The following BMPR1B variants were observed in gnomAD, a reference collection of about 807,000 sequenced individuals.
The protein encoded by BMPR1B is bone morphogenetic protein receptor type 1B, also known as bone morphogenetic protein receptor type-1B.
Under a neutral mutation model 59.1 loss-of-function variants are expected in BMPR1B, and 12 were observed. The ratio of observed to expected loss-of-function variants is 0.20; its 90% confidence interval spans 0.13 to 0.33. The LOEUF is 0.33. BMPR1B is among the 10% of genes least tolerant of loss of function. The probability of loss-of-function intolerance (pLI) is 1.00; values close to 1 mark genes in which losing one functional copy is unlikely to be tolerated. For synonymous variants in BMPR1B, 237 were observed against 207.3 expected, an observed-to-expected ratio of 1.14 and a Z score of -1.23; for missense variants, 550 against 610.9, an observed-to-expected ratio of 0.90 and a Z score of 1.05.
intron 2 of BMPR1B, among the ~76,000 whole-genome samples, chr4:94,982,746 A>G (rs1721167722): frequency 6.6e-6 from 1 of 152,096 alleles, no homozygotes; most frequent in Non-Finnish European, 1.5e-5. Flanking sequence ...TAATCCCAGC[A>G]CTTTGGGAGG....
At chr4:95,134,348 T>C (rs1487520682) in intron 10 of BMPR1B, among the ~76,000 whole-genome samples, 1 of 152,238 alleles carries the variant, frequency 6.6e-6, no homozygotes, top group Non-Finnish European at 1.5e-5. Context: ...TGTGTCTTTA[T>C]AGCAGCATGA....
intron 2 of BMPR1B, among the ~76,000 whole-genome samples, chr4:94,945,156 A>G (rs1371486051): frequency 6.6e-6 from 1 of 152,204 alleles, no homozygotes; most frequent in African/African-American, 2.4e-5. Context: ...CTTGCTCAGT[A>G]TAACTTCACA....
At chr4:94,811,284 A>G (rs1452098233) in intron 1 of BMPR1B, among the ~76,000 whole-genome samples, 1 of 152,166 alleles carries the variant, frequency 6.6e-6, no homozygotes, top group African/African-American at 2.4e-5. Flanking sequence ...TCTTTCATGT[A>G]TGGCTTCCAT....
At chr4:95,111,027 T>C (rs1220989842) in intron 4 of BMPR1B, among the ~76,000 whole-genome samples, 2 of 152,168 alleles carry the variant, frequency 1.3e-5, no homozygotes, top group African/African-American at 2.4e-5. Context: ...AGAACTTGTT[T>C]ACAGATGACC....
chr4:95,107,570 G>A (rs1194796977), intron 4 of BMPR1B, among the ~76,000 whole-genome samples: 2 of 151,962 alleles, frequency 1.3e-5, no homozygotes, highest in East Asian at 1.9e-4. Context: ...AATATTTATT[G>A]AATTTTTAAT....
At chr4:95,080,300 G>A (rs1412008164) in intron 3 of BMPR1B, among the ~76,000 whole-genome samples, 1 of 151,720 alleles carries the variant, frequency 6.6e-6, no homozygotes, top group African/African-American at 2.4e-5. Context: ...GCAGTGGTAC[G>A]ATCTCGGCTC....
intron 2 of BMPR1B, among the ~76,000 whole-genome samples, chr4:94,929,340 ACT>A (rs1729006236): frequency 6.6e-6 from 1 of 151,840 alleles, no homozygotes; most frequent in Non-Finnish European, 1.5e-5. Context: ...TGCTAGAACC[ACT>A]CTCTGTATGT....
intron 6 of BMPR1B, among the ~76,000 whole-genome samples, chr4:95,119,980 G>T (rs1039999598): frequency 6.6e-6 from 1 of 152,110 alleles, no homozygotes; most frequent in Admixed American, 6.5e-5. Flanking sequence ...TTGGACCCAG[G>T]TAGTAAGCAT....
At chr4:95,149,950 A>G (rs532789973) in intron 11 of BMPR1B, among the ~76,000 whole-genome samples, 1 of 152,358 alleles carries the variant, frequency 6.6e-6, no homozygotes, top group Non-Finnish European at 1.5e-5. Context: ...TGCCTGGCAC[A>G]TAAATAGCAC....
At chr4:94,771,176 T>C (rs1252755251) in intron 1 of BMPR1B, among the ~76,000 whole-genome samples, 1 of 152,140 alleles carries the variant, frequency 6.6e-6, no homozygotes, top group East Asian at 1.9e-4. Context: ...TGGTTTTCTT[T>C]TATATGTTCT....
chr4:94,770,357 CATT>C (rs1395656966), intron 1 of BMPR1B, among the ~76,000 whole-genome samples: 2 of 151,834 alleles, frequency 1.3e-5, no homozygotes, highest in African/African-American at 4.8e-5. Flanking sequence ...ATGTCTGTGT[CATT>C]GTTAGCTTTT....
intron 1 of BMPR1B, among the ~76,000 whole-genome samples, chr4:94,862,429 G>A (rs1560520572): frequency 6.6e-6 from 1 of 151,550 alleles, no homozygotes; most frequent in Non-Finnish European, 1.5e-5. Context: ...GGGATTACAG[G>A]CATGAGCCAC....
At chr4:94,835,757 A>T (rs1013250234) in intron 1 of BMPR1B, among the ~76,000 whole-genome samples, 4 of 152,008 alleles carry the variant, frequency 2.6e-5, no homozygotes, top group African/African-American at 7.2e-5. Flanking sequence ...ATCTAAATAA[A>T]TTTTTTCTTT....
chr4:94,870,032 TA>T (rs1726416260), intron 1 of BMPR1B, among the ~76,000 whole-genome samples: 1 of 152,208 alleles, frequency 6.6e-6, no homozygotes, highest in South Asian at 2.1e-4. Flanking sequence ...AAAGTTATAT[TA>T]GAGAAGAAGT....
At chr4:94,850,309 A>G (rs561717225) in intron 1 of BMPR1B, among the ~76,000 whole-genome samples, 1 of 152,166 alleles carries the variant, frequency 6.6e-6, no homozygotes, top group Non-Finnish European at 1.5e-5. Context: ...TGCAAAGGAA[A>G]TTAATGAATA....
At chr4:94,760,714 A>G (rs1721729507) in intron 1 of BMPR1B, among the ~76,000 whole-genome samples, 1 of 152,150 alleles carries the variant, frequency 6.6e-6, no homozygotes, top group Admixed American at 6.5e-5. Flanking sequence ...TTGGACTGTT[A>G]TCTCATTGAG....
intron 1 of BMPR1B, among the ~76,000 whole-genome samples, chr4:94,838,469 C>G (rs1724911305): frequency 1.6e-5 from 2 of 125,700 alleles, no homozygotes; most frequent in South Asian, 5.6e-4. Context: ...GATTCAACTT[C>G]TTCCTGGTTT....
chr4:95,001,453 G>C (rs759518576), intron 3 of BMPR1B, among the ~76,000 whole-genome samples: 10 of 152,090 alleles, frequency 6.6e-5, no homozygotes, highest in Non-Finnish European at 1.2e-4. Context: ...TGGCTCTCCT[G>C]AATTGCCCTA....
chr4:94,975,088 G>A (rs1296275842), intron 2 of BMPR1B, among the ~76,000 whole-genome samples: 3 of 152,140 alleles, frequency 2.0e-5, no homozygotes, highest in African/African-American at 7.2e-5. Flanking sequence ...GCCACAAAAG[G>A]TATTGGGCTA....
Sources: allele counts gnomAD v4.1 joint callset (sites outside exome capture counted in the v4.1 genomes callset), GRCh38; gene constraint gnomAD v4.1.1; transcripts MANE v1.5; gene names NCBI Gene and HGNC (gene_info 2026-07-23, HGNC 2026-07-21).